Variants in PLS1 observed in about 807,000 individuals in gnomAD.
PLS1 encodes plastin-1.
Under a neutral mutation model 73.7 loss-of-function variants are expected in PLS1, and 32 were observed. That is an observed-to-expected ratio of 0.43 (90% CI 0.33 to 0.58). The LOEUF (loss-of-function observed/expected upper bound fraction) is 0.58. Ranked by LOEUF, PLS1 falls within the 20% of genes least tolerant of loss-of-function variation. The pLI is 0.04. For missense variants in PLS1, 633 were observed against 740.5 expected (o/e 0.85, Z 1.68); for synonymous variants, 217 against 261.3 (o/e 0.83, Z 1.63).
At chr3:142,603,463 T>C (rs1278699046) in intron 1 of PLS1, among the ~76,000 whole-genome samples, 3 of 152,298 alleles carry the variant, frequency 2.0e-5, no homozygotes. Flanking sequence ...GATTGACTTT[T>C]GTGAGCAATT....
intron 1 of PLS1, among the ~76,000 whole-genome samples, chr3:142,608,302 G>A (rs369375078): frequency 2.6e-5 from 4 of 152,332 alleles, no homozygotes; most frequent in East Asian, 1.9e-4. Context: ...TTATGAGACA[G>A]CATCTAACCT....
intron 1 of PLS1, among the ~76,000 whole-genome samples, chr3:142,600,333 A>G: frequency 6.6e-6 from 1 of 152,138 alleles, no homozygotes; most frequent in East Asian, 1.9e-4. Flanking sequence ...GGTTGGCCCA[A>G]AGTCCTTGGG....
intron 1 of PLS1, among the ~76,000 whole-genome samples, chr3:142,612,535 A>G (rs1432634015): frequency 6.6e-6 from 1 of 152,170 alleles, no homozygotes; most frequent in Non-Finnish European, 1.5e-5. Flanking sequence ...TTGGATCAGT[A>G]GAAAAGGTTA....
chr3:142,684,312 G>A lies in PLS1; in HGVS notation c.805G>A (p.Glu269Lys), dbSNP rs1577888985. ...ELEELMKLSP[E>K]ELLLRWVNYH... ...AGAGGAGCTGATGAAGCTTTCTCCC[G>A]AGGAATTACTGCTGCGATGGGTGAA... Residue 269 changes from glutamate to lysine, a missense_variant, in exon 8 of 16, where the codon GAG becomes AAG. By Grantham distance (56) the Glu-to-Lys change is moderately conservative. Transcript: ENST00000457734. 6.2e-7 allele frequency: 1 copy of A among 1,613,998 alleles called. No homozygotes were observed. Among genetic ancestry groups the A allele is most frequent in the Non-Finnish European group, 8.5e-7 (1 of 1,179,914 alleles).
chr3:142,620,291 A>G (rs972774995), intron 1 of PLS1, among the ~76,000 whole-genome samples: 1 of 151,874 alleles, frequency 6.6e-6, no homozygotes, highest in East Asian at 1.9e-4. Flanking sequence ...TGCCTGGCTA[A>G]TTTTTTTGTA....
intron 1 of PLS1, among the ~76,000 whole-genome samples, chr3:142,598,219 C>T (rs948848665): frequency 6.6e-6 from 1 of 152,114 alleles, no homozygotes; most frequent in Non-Finnish European, 1.5e-5. Context: ...TCCCAACTTC[C>T]CGACCAGGAA....
intron 6 of PLS1, among the ~76,000 whole-genome samples, chr3:142,678,720 C>A (rs1208509092): frequency 6.6e-6 from 1 of 151,634 alleles, no homozygotes; most frequent in African/African-American, 2.4e-5. Flanking sequence ...GTGAATACTG[C>A]TGCAATAAAC....
intron 11 of PLS1, among the ~76,000 whole-genome samples, chr3:142,696,720 A>AAATAATAATAATAATAAT (rs370809568): frequency 5.8e-5 from 8 of 136,860 alleles, no homozygotes; most frequent in South Asian, 2.3e-4. Context: ...TCTATTTGCA[A>AAATAATAATAATAATAAT]AATAATAATA....
chr3:142,703,733 GTTA>G, intron 12 of PLS1, 132 bp from the exon 13 acceptor site: 2 of 597,070 alleles, frequency 3.3e-6, no homozygotes, highest in South Asian at 2.4e-5. Context: ...CTTTCCCTGG[GTTA>G]TTATTATGAA....
chr3:142,642,924 CA>C (rs1359247111), intron 1 of PLS1, among the ~76,000 whole-genome samples: 1 of 152,050 alleles, frequency 6.6e-6, no homozygotes, highest in Non-Finnish European at 1.5e-5. Context: ...CTCCTGGGCT[CA>C]GGTGATCTGC....
At chr3:142,699,024 T>C (rs2038270750) in intron 12 of PLS1, among the ~76,000 whole-genome samples, 1 of 152,108 alleles carries the variant, frequency 6.6e-6, no homozygotes, top group South Asian at 2.1e-4. Flanking sequence ...CACTGCATGT[T>C]CTCACTCATA....
At chr3:142,607,941 C>T (rs2036053428) in intron 1 of PLS1, among the ~76,000 whole-genome samples, 1 of 151,774 alleles carries the variant, frequency 6.6e-6, no homozygotes, top group Non-Finnish European at 1.5e-5. Context: ...GCAACTTGAT[C>T]AGAATTGGAA....
At chr3:142,672,661 G>T (rs2037629854) in intron 4 of PLS1, among the ~76,000 whole-genome samples, 1 of 152,058 alleles carries the variant, frequency 6.6e-6, no homozygotes, top group Admixed American at 6.6e-5. Flanking sequence ...CTATTCTTAA[G>T]TATATGGCTT....
At position 142,676,450 on chromosome 3, in the gene PLS1, T is replaced by C. The variant is rs373053576; in HGVS notation, c.497+161T>C. ...TAGAAAATGAACTACTGTATATCTATTGGAAAATTTCCAAAATTTTCCTTC... is the reference window on the plus strand; with the variant it reads ...TAGAAAATGAACTACTGTATATCTACTGGAAAATTTCCAAAATTTTCCTTC... On this transcript the variant is annotated intron_variant, in intron 5 of 15. Coordinates refer to ENST00000457734, the MANE Select transcript of PLS1 (RefSeq NM_001145319.2). 2.0e-4 allele frequency among the ~76,000 whole-genome samples: 31 copies of C among 152,354 alleles called. No homozygotes were observed. In the South Asian group the frequency reaches 6.4e-3, roughly 32 times the overall value.
At position 142,678,193 on chromosome 3, in the gene PLS1, G is replaced by A. The variant is rs1358705216; in HGVS notation, c.579+80G>A. 1.7e-5 allele frequency: 10 copies of A among 602,544 alleles called. No individual in the cohort carries two copies. The East Asian group carries it at 3.3e-4, about 20-fold the overall frequency. 37.3% of individuals were successfully genotyped at this position (602,544 alleles called of 1,614,324 possible). A position where few individuals can be genotyped will look rare whatever the true frequency, so the allele number is the denominator to read the frequency against. ...CTTTATTAATGAATGCTTGGACCCA[G>A]ATAAAACCTTTGATTTAATTGTAAT... On this transcript the variant is annotated intron_variant, in intron 6 of 15. Transcript: ENST00000457734.
intron 1 of PLS1, among the ~76,000 whole-genome samples, chr3:142,638,052 C>G (rs2036736137): frequency 6.6e-6 from 1 of 151,924 alleles, no homozygotes; most frequent in Non-Finnish European, 1.5e-5. Flanking sequence ...GATCCCTTTT[C>G]CCCAACATAC....
rs2038407635 is a variant in PLS1, at chr3:142,704,494, G to A, written c.1537G>A (p.Glu513Lys). 3.7e-6 allele frequency: 6 copies of A among 1,602,230 alleles called. No homozygotes were observed. The highest frequency in any genetic ancestry group is 5.1e-6 in the Non-Finnish European group (6 of 1,170,308). ...YTLNVLSDLG[E>K]GEKVNDEIII... The stretch of plus-strand genomic sequence containing the variant: ...ATTGAATGTGTTATCGGATCTTGGA[G>A]AGGGTGAAAAAGTAAATGATGAAAT... The change falls in exon 14 of 16, where the codon GAG becomes AAG. Residue 513 changes from glutamate to lysine, a missense_variant. Coordinates refer to ENST00000457734, the MANE Select transcript of PLS1 (RefSeq NM_001145319.2).
At chr3:142,635,428 A>G (rs2036658211) in intron 1 of PLS1, among the ~76,000 whole-genome samples, 1 of 111,844 alleles carries the variant, frequency 8.9e-6, no homozygotes, top group South Asian at 2.7e-4. Context: ...TGTCTCTACT[A>G]AAAATACAAA....
chr3:142,667,719 A>G (rs1190219432), intron 2 of PLS1, among the ~76,000 whole-genome samples: 1 of 152,192 alleles, frequency 6.6e-6, no homozygotes, highest in African/African-American at 2.4e-5. Flanking sequence ...TTATTAGGCA[A>G]ATAACTTCCT....
Sources: allele counts gnomAD v4.1 joint callset (sites outside exome capture counted in the v4.1 genomes callset), GRCh38; gene constraint gnomAD v4.1.1; transcripts MANE v1.5; gene names NCBI Gene and HGNC (gene_info 2026-07-23, HGNC 2026-07-21).